Variants in PDE7B observed in about 807,000 individuals in gnomAD.
PDE7B encodes the protein 3',5'-cyclic-AMP phosphodiesterase 7B.
PDE7B carries 29 observed loss-of-function variants against 56.2 expected under a neutral mutation model. The observed-to-expected ratio is 0.52, with a 90% CI of 0.38 to 0.70. The LOEUF (loss-of-function observed/expected upper bound fraction) is 0.70, where lower values mean the gene tolerates loss of function less well. Ranked by LOEUF, PDE7B falls within the 30% of genes least tolerant of loss-of-function variation. The pLI, the probability that PDE7B is intolerant of heterozygous loss-of-function variation, is 0.00. For synonymous variants in PDE7B, 197 were observed against 196.9 expected (o/e 1.00, Z 0.00); for missense variants, 490 against 565.0 (o/e 0.87, Z 1.35).
chr6:135,999,525 G>C (rs905575498), intron 2 of PDE7B, among the ~76,000 whole-genome samples: 1 of 151,916 alleles, frequency 6.6e-6, no homozygotes, highest in Admixed American at 6.6e-5. Context: ...TTGGTTTTCT[G>C]TTCCTGTGTT....
rs1779236754 is a variant in PDE7B at position 136,191,995 on chromosome 6, T to G, written c.*155T>G. The stretch of plus-strand genomic sequence containing the variant: ...CTTCCTCCCACTTACCTGCCTCCCC[T>G]CCTTTTCGCAAATGTACAGAAGCCA... On this transcript the variant is annotated 3_prime_UTR_variant, in exon 13 of 13. Coordinates refer to ENST00000308191, the MANE Select transcript of PDE7B (RefSeq NM_018945.4). The G allele has an allele frequency of 1.6e-6, 1 of 626,802 alleles. No individual in the cohort carries two copies. Among genetic ancestry groups the G allele is most frequent in the Admixed American group, 2.9e-5 (1 of 34,410 alleles). The allele number at this position is 626,802 out of a possible 1,614,324, so 38.8% of individuals were successfully genotyped here. A position where few individuals can be genotyped will look rare whatever the true frequency, so the allele number is the denominator to read the frequency against.
intron 11 of PDE7B, among the ~76,000 whole-genome samples, chr6:136,184,736 C>T (rs553828030): frequency 6.6e-6 from 1 of 152,166 alleles, no homozygotes; most frequent in East Asian, 1.9e-4. Flanking sequence ...GCATTTAGGG[C>T]AATATATACA....
rs567127892 is a variant in PDE7B, at chr6:136,109,007, C to T, written c.166+193C>T. Among the ~76,000 whole-genome samples, 12 of 152,298 alleles carry T rather than the reference C, an allele frequency of 7.9e-5. No homozygotes were observed. The South Asian group carries it at 2.1e-3, about 26-fold the overall frequency. On this transcript the variant is annotated intron_variant, in intron 3 of 12. Coordinates refer to ENST00000308191, the MANE Select transcript of PDE7B (RefSeq NM_018945.4). ...TGAAGTAATTCTGGCCCTGCACTGCCTCTCAGAGCTCCACTGAGGGTCAAA... is the reference window on the plus strand; with the variant it reads ...TGAAGTAATTCTGGCCCTGCACTGCTTCTCAGAGCTCCACTGAGGGTCAAA...
chr6:135,897,455 T>C (rs1379838752), intron 1 of PDE7B, among the ~76,000 whole-genome samples: 1 of 152,152 alleles, frequency 6.6e-6, no homozygotes, highest in Admixed American at 6.6e-5. Context: ...CCTATTTTCA[T>C]GTCATGTTAA....
intron 9 of PDE7B, among the ~76,000 whole-genome samples, chr6:136,175,683 T>C (rs1300991548): frequency 1.3e-5 from 2 of 152,188 alleles, no homozygotes; most frequent in African/African-American, 4.8e-5. Flanking sequence ...TTAAAATGAT[T>C]TTGTCAGCCG....
rs560276754 is a variant in PDE7B at position 135,936,146 on chromosome 6, C to T, written c.22-11318C>T. Among the ~76,000 whole-genome samples, 33 of 152,260 alleles carry T rather than the reference C, an allele frequency of 2.2e-4. No homozygotes were observed. In the East Asian group the frequency reaches 6.4e-3, roughly 29 times the overall value. On this transcript the variant is annotated intron_variant, in intron 1 of 12. Transcript: ENST00000308191. ...TTTAAACTACAAGTGTATAGGATTA[C>T]ATTTAATTGTTGGTTTATGTACAGG... is the stretch of plus-strand genomic sequence containing the variant.
chr6:136,014,091 C>G (rs1418601732), intron 2 of PDE7B, among the ~76,000 whole-genome samples: 1 of 152,084 alleles, frequency 6.6e-6, no homozygotes, highest in Non-Finnish European at 1.5e-5. Context: ...CCTTAAAAGC[C>G]CCATTTAAAT....
At position 136,052,166 on chromosome 6, in the gene PDE7B, A is replaced by G. The variant is rs185893792; in HGVS notation, c.83-56565A>G. On this transcript the variant is annotated intron_variant, in intron 2 of 12. Coordinates refer to ENST00000308191, the MANE Select transcript of PDE7B (RefSeq NM_018945.4). ...TGTAAGTACACAAGCACATAAAACC[A>G]TTCTGTCAGGATGAGAGATAAAGCC... Among the ~76,000 whole-genome samples, 21 of 152,294 alleles carry G rather than the reference A, an allele frequency of 1.4e-4. No individual in the cohort carries two copies. In the East Asian group the frequency reaches 3.9e-3, roughly 28 times the overall value.
chr6:135,905,983 AAAG>A (rs1225801199), intron 1 of PDE7B, among the ~76,000 whole-genome samples: 4 of 152,128 alleles, frequency 2.6e-5, no homozygotes, highest in Non-Finnish European at 1.5e-5. Context: ...TTCAAATTAT[AAAG>A]AAGAGTCCCA....
At chr6:135,958,699 A>G (rs1413958420) in intron 2 of PDE7B, among the ~76,000 whole-genome samples, 1 of 152,176 alleles carries the variant, frequency 6.6e-6, no homozygotes, top group Non-Finnish European at 1.5e-5. Context: ...ATCAATTGCT[A>G]TCTTTGAACT....
At chr6:136,064,039 C>T (rs986699815) in intron 2 of PDE7B, among the ~76,000 whole-genome samples, 12 of 151,988 alleles carry the variant, frequency 7.9e-5, no homozygotes, top group Non-Finnish European at 2.9e-5. Context: ...CTTTTTAATG[C>T]AATGTGTGGA....
At chr6:135,917,207 T>C (rs1259517229) in intron 1 of PDE7B, among the ~76,000 whole-genome samples, 1 of 152,228 alleles carries the variant, frequency 6.6e-6, no homozygotes, top group Non-Finnish European at 1.5e-5. Flanking sequence ...GTTTTGGCTA[T>C]TGTAAGTCCT....
At chr6:135,996,518 G>A (rs4896192) in intron 2 of PDE7B, among the ~76,000 whole-genome samples, 72,204 of 152,038 alleles carry the variant, frequency 0.47, 17,802 homozygotes, top group African/African-American at 0.6. Context: ...AGAAAATAAC[G>A]GAGGCAAAAG....
chr6:136,144,225 CTTAAA>C (rs1226834407), intron 3 of PDE7B, among the ~76,000 whole-genome samples: 2 of 151,978 alleles, frequency 1.3e-5, no homozygotes, highest in Non-Finnish European at 2.9e-5. Context: ...TTTTTCTCTT[CTTAAA>C]TTTTTTATCA....
intron 2 of PDE7B, among the ~76,000 whole-genome samples, chr6:136,004,457 T>A (rs1247903500): frequency 6.6e-6 from 1 of 152,126 alleles, no homozygotes; most frequent in Admixed American, 6.5e-5. Context: ...GAAAACCCCA[T>A]TGTCTCAGCT....
intron 1 of PDE7B, among the ~76,000 whole-genome samples, chr6:135,893,596 T>A (rs925051461): frequency 4.6e-5 from 7 of 152,058 alleles, no homozygotes; most frequent in Non-Finnish European, 1.5e-5. Flanking sequence ...ATTGTGGAAG[T>A]CAGTGTGGTG....
At chr6:135,982,050 A>G (rs1263615009) in intron 2 of PDE7B, among the ~76,000 whole-genome samples, 1 of 152,132 alleles carries the variant, frequency 6.6e-6, no homozygotes, top group African/African-American at 2.4e-5. Flanking sequence ...ATCATTGTAC[A>G]TGCAGTTTGT....
intron 1 of PDE7B, among the ~76,000 whole-genome samples, chr6:135,853,175 C>T (rs141436123): frequency 9.9e-4 from 151 of 152,150 alleles, no homozygotes; most frequent in African/African-American, 3.2e-3. Flanking sequence ...AATTTCTAAC[C>T]GATTTTCTTA....
intron 2 of PDE7B, among the ~76,000 whole-genome samples, chr6:135,991,497 C>G (rs905333748): frequency 6.6e-6 from 1 of 152,194 alleles, no homozygotes; most frequent in African/African-American, 2.4e-5. Flanking sequence ...CTCCCTACAA[C>G]TCACATTCGC....
Sources: gnomAD v4.1 joint callset for allele counts (sites outside exome capture counted in the v4.1 genomes callset) on GRCh38, gnomAD v4.1.1 for gene constraint, MANE v1.5 for transcripts, NCBI Gene and HGNC (gene_info 2026-07-23, HGNC 2026-07-21) for gene names.